The following CLASP2 variants were observed in gnomAD, a reference collection of about 807,000 sequenced individuals.
The protein encoded by CLASP2 is cytoplasmic linker associated protein 2.
In CLASP2, 47 loss-of-function variants were observed where a neutral mutation model predicts 194.4. The ratio of observed to expected loss-of-function variants is 0.24; its 90% CI spans 0.19 to 0.31. The LOEUF (loss-of-function observed/expected upper bound fraction) is 0.31. Among genes scored for constraint, CLASP2 ranks in the 10% least tolerant of loss-of-function variants. CLASP2 has a pLI of 1.00. For synonymous variants in CLASP2, 619 were observed against 633.5 expected (o/e 0.98, Z 0.34); for missense variants, 1,445 against 1,823.6 (o/e 0.79, Z 3.78).
intron 34 of CLASP2, among the ~76,000 whole-genome samples, chr3:33,523,857 T>C (rs1003302505): frequency 2.1e-4 from 32 of 152,292 alleles, no homozygotes; most frequent in African/African-American, 7.5e-4. Flanking sequence ...AGTTTTTGTA[T>C]GTTATTGAAA....
At chr3:33,652,875 TC>T (rs2083448038) in intron 7 of CLASP2, among the ~76,000 whole-genome samples, 1 of 152,282 alleles carries the variant, frequency 6.6e-6, no homozygotes, top group Admixed American at 6.5e-5. Flanking sequence ...CCCACAGAGA[TC>T]GTCTACCAAC....
At chr3:33,675,988 C>T (rs1317822161) in intron 6 of CLASP2, among the ~76,000 whole-genome samples, 7 of 150,696 alleles carry the variant, frequency 4.6e-5, no homozygotes, top group East Asian at 1.9e-4. Flanking sequence ...GAATCAATAT[C>T]GTGAAAATGG....
At chr3:33,621,118 C>T (rs1043199354) in intron 11 of CLASP2, among the ~76,000 whole-genome samples, 1 of 151,598 alleles carries the variant, frequency 6.6e-6, no homozygotes, top group South Asian at 2.1e-4. Flanking sequence ...GTCTCTGTTT[C>T]CTCATCTCAG....
chr3:33,602,386 T>C lies in CLASP2; in HGVS notation c.1924+566A>G, dbSNP rs2072497791. 4.8e-6 allele frequency: 3 copies of C among 625,262 alleles called. No individual in the cohort carries two copies. In the African/African-American group the frequency reaches 5.5e-5, roughly 11 times the overall value. 38.7% of individuals were successfully genotyped at this position (625,262 alleles called of 1,614,324 possible). ...CTGTATTGTGTTCTGGCGATCTGCC[T>C]GCTTAGTGTTCCAGCAGTACTACCC... On this transcript the variant is annotated intron_variant, in intron 18 of 38. Coordinates refer to ENST00000682230, the MANE Select transcript of CLASP2 (RefSeq NM_001365631.1).
At chr3:33,663,243 C>T (rs1317979921) in intron 7 of CLASP2, among the ~76,000 whole-genome samples, 1 of 147,700 alleles carries the variant, frequency 6.8e-6, no homozygotes, top group East Asian at 2.0e-4. Context: ...ACACAACTGA[C>T]TCACTATTAA....
intron 8 of CLASP2, among the ~76,000 whole-genome samples, chr3:33,642,302 G>A: frequency 6.6e-6 from 1 of 151,784 alleles, no homozygotes; most frequent in East Asian, 1.9e-4. Context: ...GGCAACCTAG[G>A]CATTATTTAG....
At chr3:33,649,919 G>A (rs577510593) in intron 7 of CLASP2, among the ~76,000 whole-genome samples, 1 of 152,082 alleles carries the variant, frequency 6.6e-6, no homozygotes, top group Non-Finnish European at 1.5e-5. Flanking sequence ...CCAACCAACA[G>A]CCAAACAAAA....
chr3:33,607,374 A>G lies in CLASP2; in HGVS notation c.1526+10T>C, dbSNP rs1426816051. ...TTAAACTGTCACAAAACTATACTACACTGACTTACTTTCTTGCCTCCACTC... is the reference window on the plus strand; with the variant it reads ...TTAAACTGTCACAAAACTATACTACGCTGACTTACTTTCTTGCCTCCACTC... On this transcript the variant is annotated intron_variant, in intron 15 of 38. Coordinates refer to ENST00000682230, the MANE Select transcript of CLASP2 (RefSeq NM_001365631.1). 2 of 1,589,234 alleles carry G rather than the reference A, an allele frequency of 1.3e-6. No homozygotes were observed. The highest frequency in any genetic ancestry group is 8.6e-7 in the Non-Finnish European group (1 of 1,165,818).
At chr3:33,595,816 T>C (rs2070164821) in intron 19 of CLASP2, among the ~76,000 whole-genome samples, 1 of 152,022 alleles carries the variant, frequency 6.6e-6, no homozygotes, top group Non-Finnish European at 1.5e-5. Flanking sequence ...TGATGGGCTA[T>C]CATTTCATTC....
intron 21 of CLASP2, among the ~76,000 whole-genome samples, chr3:33,585,678 C>T (rs776802472): frequency 1.3e-5 from 2 of 151,942 alleles, no homozygotes; most frequent in Admixed American, 6.6e-5. Flanking sequence ...ACCTGTCACC[C>T]GAACAATGTA....
chr3:33,592,156 C>A, intron 21 of CLASP2: 1 of 702,276 alleles, frequency 1.4e-6, no homozygotes, highest in Non-Finnish European at 2.6e-6. Flanking sequence ...AGACAACACC[C>A]ACTCAAAAAA....
Position 33,584,939 on chromosome 3 carries a change from T to C in CLASP2, c.2069-19A>G. ...CTACCAGCTGAACACCAAACACATA[T>C]ACAAATGTTAACATGTAAATGCCAA... On this transcript the variant is annotated intron_variant, in intron 21 of 38. Transcript: ENST00000682230. The C allele has an allele frequency of 1.3e-6, 2 of 1,573,376 alleles. No individual in the cohort carries two copies. Among genetic ancestry groups the C allele is most frequent in the Non-Finnish European group, 1.7e-6 (2 of 1,160,822 alleles).
intron 1 of CLASP2, among the ~76,000 whole-genome samples, chr3:33,713,709 G>T (rs2093149713): frequency 2.0e-5 from 3 of 151,926 alleles, no homozygotes; most frequent in Admixed American, 2.0e-4. Context: ...CCTGAGACAG[G>T]GTCTGGCTCT....
At chr3:33,516,279 TA>T in intron 35 of CLASP2, 128 bp from the exon 36 acceptor site, 6 of 643,882 alleles carry the variant, frequency 9.3e-6, no homozygotes, top group African/African-American at 1.9e-5. Context: ...AAGTATGCGG[TA>T]TACTATGTAA....
At chr3:33,560,689 A>G in intron 28 of CLASP2, 119 bp downstream of exon 28, 1 of 813,274 alleles carries the variant, frequency 1.2e-6, no homozygotes, top group Non-Finnish European at 2.0e-6. Context: ...ACAATCTTCA[A>G]ACGGAATCCA....
intron 31 of CLASP2, among the ~76,000 whole-genome samples, chr3:33,543,863 C>T (rs1479596703): frequency 6.6e-6 from 1 of 152,144 alleles, no homozygotes; most frequent in Non-Finnish European, 1.5e-5. Flanking sequence ...ATTACTAATG[C>T]TCAAATTTTA....
intron 9 of CLASP2, among the ~76,000 whole-genome samples, chr3:33,631,596 C>G (rs112070714): frequency 0.17 from 25,688 of 151,634 alleles, 2,532 homozygotes; most frequent in Admixed American, 0.3. Context: ...ACTGAGGAGG[C>G]TGAGGCAGGA....
At chr3:33,572,549 C>G (rs775664715) in intron 25 of CLASP2, among the ~76,000 whole-genome samples, 1 of 151,966 alleles carries the variant, frequency 6.6e-6, no homozygotes, top group Non-Finnish European at 1.5e-5. Flanking sequence ...ATCACACAGA[C>G]AAGGACAATA....
chr3:33,641,656 T>A (rs1420642683), intron 8 of CLASP2, among the ~76,000 whole-genome samples: 1 of 151,988 alleles, frequency 6.6e-6, no homozygotes, highest in Admixed American at 6.6e-5. Flanking sequence ...AAAAATTGCA[T>A]ACAGCCCTAA....
Sources: gnomAD v4.1 joint callset for allele counts (sites outside exome capture counted in the v4.1 genomes callset) on GRCh38, gnomAD v4.1.1 for gene constraint, MANE v1.5 for transcripts, NCBI Gene and HGNC (gene_info 2026-07-23, HGNC 2026-07-21) for gene names.